Variants in SRL observed in about 807,000 individuals in gnomAD.
The protein encoded by SRL is sarcalumenin.
SRL carries 23 observed loss-of-function variants against 39.5 expected under a neutral mutation model. That is an observed-to-expected ratio of 0.58 (90% confidence interval 0.42 to 0.82). The LOEUF (loss-of-function observed/expected upper bound fraction) is 0.82, where lower values mean the gene tolerates loss of function less well. Ranked by LOEUF, SRL falls within the 40% of genes least tolerant of loss-of-function variation. SRL has a pLI of 0.00. For missense variants in SRL, 592 were observed against 607.8 expected, an observed-to-expected ratio of 0.97 and a Z score of 0.27; for synonymous variants, 272 against 237.4, an observed-to-expected ratio of 1.15 and a Z score of -1.34.
chr16:4,221,105 G>A (rs111629782), intron 1 of SRL, among the ~76,000 whole-genome samples: 2,031 of 151,692 alleles, frequency 0.013, 48 homozygotes, highest in African/African-American at 0.048. Context: ...CTGGAGTGCA[G>A]TGGCACTATC....
chr16:4,204,494 G>C (rs1377640966), intron 2 of SRL, 39 bp downstream of exon 2: 1 of 1,518,254 alleles, frequency 6.6e-7, no homozygotes, highest in Non-Finnish European at 8.9e-7. Flanking sequence ...TGGTGGCCGG[G>C]CTCTCCCAGC....
At chr16:4,227,084 T>C (rs914467917) in intron 1 of SRL, among the ~76,000 whole-genome samples, 1 of 143,128 alleles carries the variant, frequency 7.0e-6, no homozygotes, top group Non-Finnish European at 1.5e-5. Context: ...GATGGATGGA[T>C]GAACAGATGG....
chr16:4,226,140 C>T (rs745891913), intron 1 of SRL, among the ~76,000 whole-genome samples: 1 of 152,182 alleles, frequency 6.6e-6, no homozygotes, highest in Non-Finnish European at 1.5e-5. Flanking sequence ...AATATTGTCT[C>T]CCAGTCAGTC....
intron 3 of SRL, among the ~76,000 whole-genome samples, chr16:4,201,116 ATT>A (rs3081044): frequency 2.7e-5 from 4 of 146,572 alleles, no homozygotes; most frequent in Non-Finnish European, 3.0e-5. Flanking sequence ...CAGGGTTCCA[ATT>A]TTTTTTTTTT....
intron 1 of SRL, among the ~76,000 whole-genome samples, chr16:4,224,668 G>A (rs886159000): frequency 4.0e-5 from 6 of 151,322 alleles, no homozygotes; most frequent in South Asian, 2.1e-4. Flanking sequence ...CGGAGATTGC[G>A]CCACTGCACT....
intron 1 of SRL, among the ~76,000 whole-genome samples, chr16:4,230,591 G>C (rs1245627997): frequency 6.6e-6 from 1 of 151,186 alleles, no homozygotes; most frequent in Admixed American, 6.6e-5. Flanking sequence ...GTTTCACCAT[G>C]TTGGCCAGGC....
In SRL at chr16:4,241,990, G is replaced by C; in HGVS notation, c.61+17C>G. ...GGGGGACCAGTCTGGGCTGGGTCAT[G>C]CTGGGAGGGGCCCTACCTGCTTGTC... is the stretch of plus-strand genomic sequence containing the variant. On this transcript the variant is annotated intron_variant, in intron 1 of 5. Transcript: ENST00000399609. 1 of 1,613,702 alleles carries C rather than the reference G, an allele frequency of 6.2e-7. No homozygotes were observed. The highest frequency in any genetic ancestry group is 1.7e-4 in the Middle Eastern group (1 of 5,956).
chr16:4,221,630 C>A (rs1258406831), intron 1 of SRL, among the ~76,000 whole-genome samples: 1 of 152,256 alleles, frequency 6.6e-6, no homozygotes, highest in African/African-American at 2.4e-5. Context: ...GATCCCTGCA[C>A]TGATGCCTGA....
chr16:4,204,704 G>C, intron 1 of SRL, 70 bp from the exon 2 acceptor site: 1 of 1,376,576 alleles, frequency 7.3e-7, no homozygotes, highest in Admixed American at 1.7e-5. Context: ...CCCCGGCACA[G>C]CAGACGAGGG....
chr16:4,226,491 G>C (rs1469272225), intron 1 of SRL, among the ~76,000 whole-genome samples: 1 of 151,382 alleles, frequency 6.6e-6, no homozygotes, highest in Non-Finnish European at 1.5e-5. Flanking sequence ...GGGTAGGTGG[G>C]TGGGTGAGTG....
At chr16:4,202,162 C>A (rs2141030163) in intron 3 of SRL, among the ~76,000 whole-genome samples, 1 of 152,298 alleles carries the variant, frequency 6.6e-6, no homozygotes, top group South Asian at 2.1e-4. Flanking sequence ...AGGGAGGTTT[C>A]CACACACACA....
Position 4,192,521 on chromosome 16 carries a change from G to T in SRL, c.1054C>A (p.Gln352Lys). The T allele has an allele frequency of 2.5e-6, 4 of 1,614,208 alleles. No homozygotes were observed. The highest frequency in any genetic ancestry group is 3.4e-6 in the Non-Finnish European group (4 of 1,180,036). The change falls in exon 6 of 6, where the codon CAG becomes AAG. Residue 352 changes from glutamine (Q) to lysine (K), a missense_variant. Transcript: ENST00000399609. The surrounding 1 kb of genome is among the most constrained non-coding windows in gnomAD (Gnocchi z 4.0). ...IHALLVDRYL[Q>K]TYKDKMTFFS... Reference sequence around the variant, plus strand: ...AAGGTCATTTTGTCCTTGTAAGTCTGCAGGTAGCGGTCAACCAGGAGGGCG... The same window carrying T: ...AAGGTCATTTTGTCCTTGTAAGTCTTCAGGTAGCGGTCAACCAGGAGGGCG...
At chr16:4,222,056 T>G (rs2052536434) in intron 1 of SRL, among the ~76,000 whole-genome samples, 1 of 152,130 alleles carries the variant, frequency 6.6e-6, no homozygotes, top group East Asian at 1.9e-4. Flanking sequence ...CTTCAACACA[T>G]CCTTTTGGGG....
intron 1 of SRL, among the ~76,000 whole-genome samples, chr16:4,210,765 G>A (rs1487991915): frequency 3.3e-5 from 5 of 152,114 alleles, no homozygotes; most frequent in African/African-American, 1.2e-4. Context: ...TTACAGGCAT[G>A]AGCCACCACA....
At chr16:4,205,499 C>G (rs7197434) in intron 1 of SRL, among the ~76,000 whole-genome samples, 34,215 of 151,994 alleles carry the variant, frequency 0.23, 4,046 homozygotes, top group African/African-American at 0.3. Context: ...AAGCTAAGTG[C>G]GGCTCAGGAG....
chr16:4,228,718 G>C (rs1368378571), intron 1 of SRL, among the ~76,000 whole-genome samples: 3 of 151,586 alleles, frequency 2.0e-5, no homozygotes, highest in Admixed American at 6.6e-5. Context: ...CTGGGTGACA[G>C]AGCAAGACTC....
At position 4,192,663 on chromosome 16, in the gene SRL, C is replaced by T. The variant is rs1381750650; in HGVS notation, c.912G>A (p.Gln304=). The T allele has an allele frequency of 6.2e-7, 1 of 1,613,960 alleles. No individual in the cohort carries two copies. The highest frequency in any genetic ancestry group is 8.5e-7 in the Non-Finnish European group (1 of 1,180,040). Reference sequence around the variant, plus strand: ...AGATCTCTTCTTGGAGGAACAGTTCCTGATGGGTGTCCGGCTTATACTCTT... The same window carrying T: ...AGATCTCTTCTTGGAGGAACAGTTCTTGATGGGTGTCCGGCTTATACTCTT... ...WPQEYKPDTH[Q]ELFLQEEISL... The change falls in exon 6 of 6, where the codon CAG becomes CAA. Residue 304 remains glutamine, a synonymous_variant. Coordinates refer to ENST00000399609, the MANE Select transcript of SRL (RefSeq NM_001098814.2). This position sits in a 1 kb window ranked among gnomAD's most constrained non-coding sequence, Gnocchi z 4.0.
At chr16:4,238,736 C>T (rs959771549) in intron 1 of SRL, among the ~76,000 whole-genome samples, 3 of 151,912 alleles carry the variant, frequency 2.0e-5, no homozygotes, top group Non-Finnish European at 2.9e-5. Flanking sequence ...GATCCTCCCC[C>T]CTCGGCCTCT....
chr16:4,207,529 G>C (rs1264832612), intron 1 of SRL: 1 of 456,330 alleles, frequency 2.2e-6, no homozygotes, highest in Non-Finnish European at 4.4e-6. Context: ...CCCTCTGAGT[G>C]AGGAGAGGCC....
Sources: allele counts gnomAD v4.1 joint callset (sites outside exome capture counted in the v4.1 genomes callset), GRCh38; gene constraint gnomAD v4.1.1; non-coding constraint Gnocchi (gnomAD v3.1); transcripts MANE v1.5; gene names NCBI Gene and HGNC (gene_info 2026-07-23, HGNC 2026-07-21).